The following ZNF326 variants were observed in gnomAD, a reference collection of about 807,000 sequenced individuals.
ZNF326 encodes zinc finger protein 326.
A neutral mutation model predicts 63.1 loss-of-function variants in ZNF326; 30 were observed. The ratio of observed to expected loss-of-function variants is 0.48; its 90% CI spans 0.36 to 0.64. ZNF326 has a LOEUF of 0.64. Ranked by LOEUF, ZNF326 falls within the 30% of genes least tolerant of loss-of-function variation. The pLI is 0.00. For synonymous variants in ZNF326, 194 were observed against 228.2 expected (o/e 0.85, Z 1.35); for missense variants, 609 against 720.3 (o/e 0.85, Z 1.77).
rs187615844 is a variant in ZNF326, at chr1:90,027,918, C to T, written c.*217C>T. The T allele has an allele frequency of 9.7e-4, 502 of 515,856 alleles. 7 individuals carry two copies. In the East Asian group the frequency reaches 0.016, roughly 16 times the overall value. The allele number at this position is 515,856 out of a possible 1,614,324, so 32.0% of individuals were successfully genotyped here. A position where few individuals can be genotyped will look rare whatever the true frequency, so the allele number is the denominator to read the frequency against. ...TTTTTATAGCTACCAGACTTAGATCCGATAAATTGTTTGTATAATTTTTAA... is the reference window on the plus strand; with the variant it reads ...TTTTTATAGCTACCAGACTTAGATCTGATAAATTGTTTGTATAATTTTTAA... On this transcript the variant is annotated 3_prime_UTR_variant, in exon 12 of 12. Transcript: ENST00000340281.
At position 90,007,444 on chromosome 1, in the gene ZNF326, C is replaced by T. The variant is rs1468309869; in HGVS notation, c.309C>T (p.Phe103=). 4.3e-6 allele frequency: 7 copies of T among 1,614,030 alleles called. No individual in the cohort carries two copies. Among genetic ancestry groups the T allele is most frequent in the Non-Finnish European group, 4.2e-6 (5 of 1,180,000 alleles). ...TTAATGAACCCGAACAAAGCCGCTT[C>T]GGAGGTAGTTATGGTGGTCGATTTG... ...YGFNEPEQSR[F]GGSYGGRFES... The change falls in exon 5 of 12, where the codon TTC becomes TTT. Residue 103 remains phenylalanine, a synonymous_variant. Transcript: ENST00000340281. This position sits in a 1 kb window ranked among gnomAD's most constrained non-coding sequence, Gnocchi z 4.9.
rs191638361 is a variant in ZNF326 at position 90,000,703 on chromosome 1, G to A, written c.61+2549G>A. On this transcript the variant is annotated intron_variant, in intron 2 of 11. Transcript: ENST00000340281. Reference sequence around the variant, plus strand: ...ATGGGTGACAGAGCAAGACCTTAACGCTGGCTTGACTAGAACAGATGATTT... The same window carrying A: ...ATGGGTGACAGAGCAAGACCTTAACACTGGCTTGACTAGAACAGATGATTT... 3.6e-3 allele frequency among the ~76,000 whole-genome samples: 555 copies of A among 152,222 alleles called. 5 individuals carry two copies. The highest frequency in any genetic ancestry group is 0.013 in the African/African-American group (522 of 41,542).
rs554904118 is a variant in ZNF326 at position 90,029,696 on chromosome 1, A to G, written c.*1995A>G. 2.0e-5 allele frequency: 3 copies of G among 152,236 alleles called. No individual in the cohort carries two copies. Among genetic ancestry groups the G allele is most frequent in the Non-Finnish European group, 4.4e-5 (3 of 68,024 alleles). The allele number at this position is 152,236 out of a possible 1,614,324, so 9.4% of individuals were successfully genotyped here. ...AAAACCATTATGTAACAAGAATCCT[A>G]TGTAACAACTGGGTAAATGTTTTAG... is the stretch of plus-strand genomic sequence containing the variant. On this transcript the variant is annotated 3_prime_UTR_variant, in exon 12 of 12. Coordinates refer to ENST00000340281, the MANE Select transcript of ZNF326 (RefSeq NM_182976.4).
rs1284464426 is a variant in ZNF326, at chr1:90,020,911, A to G, written c.1294A>G (p.Lys432Glu). ...GCACTTAAAATCTCCTGATCATATCAAAGGGAAGCAGGTAAAATTTTCATC... is the reference window on the plus strand; with the variant it reads ...GCACTTAAAATCTCCTGATCATATCGAAGGGAAGCAGGTAAAATTTTCATC... ...QQHLKSPDHI[K>E]GKQAYKEQIK... Residue 432 changes from lysine to glutamate, a missense_variant, in exon 10 of 12, where the codon AAA becomes GAA. By Grantham distance (56) the Lys-to-Glu change is moderately conservative (BLOSUM62 1). Coordinates refer to ENST00000340281, the MANE Select transcript of ZNF326 (RefSeq NM_182976.4). The G allele has an allele frequency of 1.2e-6, 2 of 1,611,938 alleles. No individual in the cohort carries two copies. Among genetic ancestry groups the G allele is most frequent in the Non-Finnish European group, 1.7e-6 (2 of 1,178,994 alleles).
Position 90,007,342 on chromosome 1 carries a change from C to A in ZNF326, c.210-3C>A. ...TTTTTCCCTCACTGTGCAACTTTTC[C>A]AGGTTTGGACCTTATGAGTCTTACG... On this transcript the variant is annotated splice_polypyrimidine_tract_variant and splice_region_variant and intron_variant, in intron 4 of 11. Coordinates refer to ENST00000340281, the MANE Select transcript of ZNF326 (RefSeq NM_182976.4). This position sits in a 1 kb window ranked among gnomAD's most constrained non-coding sequence, Gnocchi z 4.9. The A allele has an allele frequency of 6.4e-7, 1 of 1,563,166 alleles. No homozygotes were observed. Among genetic ancestry groups the A allele is most frequent in the Non-Finnish European group, 8.7e-7 (1 of 1,153,864 alleles).
intron 9 of ZNF326, among the ~76,000 whole-genome samples, chr1:90,019,317 C>A (rs190975039): frequency 6.6e-6 from 1 of 152,130 alleles, no homozygotes; most frequent in Non-Finnish European, 1.5e-5. Flanking sequence ...GCATAACCCA[C>A]ACTATTCTCT....
At chr1:89,998,077 A>G in intron 1 of ZNF326, 33 bp from the exon 2 acceptor site, 1 of 1,598,452 alleles carries the variant, frequency 6.3e-7, no homozygotes. Flanking sequence ...CTAATATCAC[A>G]CTAATTCCTT....
chr1:90,010,297 A>G lies in ZNF326; in HGVS notation c.814+11A>G. ...TCAGCAAATCACCCAGTAAGTAAGAAAACATAATTGCTATGATTCAGGATA... is the reference window on the plus strand; with the variant it reads ...TCAGCAAATCACCCAGTAAGTAAGAGAACATAATTGCTATGATTCAGGATA... On this transcript the variant is annotated intron_variant, in intron 6 of 11. Transcript: ENST00000340281. The G allele has an allele frequency of 6.2e-7, 1 of 1,610,314 alleles. No homozygotes were observed. Among genetic ancestry groups the G allele is most frequent in the Non-Finnish European group, 8.5e-7 (1 of 1,178,584 alleles).
rs984990336 is a variant in ZNF326 at position 89,995,233 on chromosome 1, A to C, written c.-25A>C. 5.2e-6 allele frequency: 8 copies of C among 1,545,988 alleles called. No homozygotes were observed. The African/African-American group carries it at 1.1e-4, about 22-fold the overall frequency. On this transcript the variant is annotated 5_prime_UTR_variant, in exon 1 of 12. Coordinates refer to ENST00000340281, the MANE Select transcript of ZNF326 (RefSeq NM_182976.4). Reference sequence around the variant, plus strand: ...GCCATAGCTCAGCCTAGCGCCGCCAAGGCCGACGGCCCTCAGCCTCTGCCA... The same window carrying C: ...GCCATAGCTCAGCCTAGCGCCGCCACGGCCGACGGCCCTCAGCCTCTGCCA...
intron 9 of ZNF326, among the ~76,000 whole-genome samples, chr1:90,020,104 C>G (rs910426323): frequency 4.6e-5 from 7 of 152,080 alleles, no homozygotes; most frequent in Admixed American, 1.3e-4. Flanking sequence ...GAAGTAGTTT[C>G]ATTACTTCCA....
rs116009246 is a variant in ZNF326 at position 90,022,946 on chromosome 1, C to G, written c.1401+601C>G. On this transcript the variant is annotated intron_variant, in intron 11 of 11. Transcript: ENST00000340281. ...GGTAGCAGGAAGGTCAGATGTTTCT[C>G]CAGAAGAAGGAATCTCATGGAATTT... Among the ~76,000 whole-genome samples the G allele has an allele frequency of 6.7e-3, 1,014 of 152,218 alleles. 11 individuals are homozygous for G. Among genetic ancestry groups the G allele is most frequent in the African/African-American group, 0.023 (959 of 41,526 alleles).
intron 7 of ZNF326, among the ~76,000 whole-genome samples, chr1:90,014,495 C>T (rs1370787075): frequency 6.6e-6 from 1 of 152,010 alleles, no homozygotes; most frequent in Non-Finnish European, 1.5e-5. Context: ...AATAGTATGC[C>T]ATTTTATTAC....
intron 1 of ZNF326, among the ~76,000 whole-genome samples, chr1:89,996,589 T>C (rs1056626928): frequency 6.6e-6 from 1 of 151,936 alleles, no homozygotes; most frequent in Non-Finnish European, 1.5e-5. Context: ...CTATGAATAT[T>C]TGGGCTGGGC....
intron 7 of ZNF326, among the ~76,000 whole-genome samples, chr1:90,015,684 AAAAT>A (rs559906028): frequency 6.6e-6 from 1 of 152,162 alleles, no homozygotes; most frequent in African/African-American, 2.4e-5. Context: ...TCTGTCTCAA[AAAAT>A]AAATAAATAA....
intron 4 of ZNF326, chr1:90,005,617 TC>T (rs1648951196): frequency 6.5e-6 from 6 of 925,696 alleles, no homozygotes; most frequent in Non-Finnish European, 7.7e-6. Context: ...TTAAAAAAAA[TC>T]TTTTCTAATG....
rs1371733274 is a variant in ZNF326 at position 90,007,567 on chromosome 1, G to A, written c.432G>A (p.Gly144=). 1 of 1,613,540 alleles carries A rather than the reference G, an allele frequency of 6.2e-7. No individual in the cohort carries two copies. The highest frequency in any genetic ancestry group is 8.5e-7 in the Non-Finnish European group (1 of 1,179,808). ...APYSRSKLRP[G]FMEDRGRENY... The stretch of plus-strand genomic sequence containing the variant: ...ACTCCCGTTCAAAATTGAGGCCTGG[G>A]TTTATGGAGGACAGAGGAAGAGAGA... Residue 144 remains glycine, a synonymous_variant, in exon 5 of 12, where the codon GGG becomes GGA. Coordinates refer to ENST00000340281, the MANE Select transcript of ZNF326 (RefSeq NM_182976.4). This position sits in a 1 kb window ranked among gnomAD's most constrained non-coding sequence, Gnocchi z 4.9.
rs1650436601 is a variant in ZNF326, at chr1:90,035,260, A to AT, written c.*7561dup. The AT allele has an allele frequency of 6.6e-6, 1 of 152,208 alleles. No homozygotes were observed. Among genetic ancestry groups the AT allele is most frequent in the South Asian group, 2.1e-4 (1 of 4,832 alleles). The allele number at this position is 152,208 out of a possible 1,614,324, so 9.4% of individuals were successfully genotyped here. A position where few individuals can be genotyped will look rare whatever the true frequency, so the allele number is the denominator to read the frequency against. On this transcript the variant is annotated 3_prime_UTR_variant, in exon 12 of 12. Transcript: ENST00000340281. ...CATAGTCCTTATTTTGAGCAGTGTG[A>AT]TTGTAGAGACAAACATCCAAGAGAA...
intron 6 of ZNF326, among the ~76,000 whole-genome samples, chr1:90,012,199 A>G (rs573131411): frequency 1.3e-4 from 20 of 152,362 alleles, no homozygotes; most frequent in East Asian, 9.6e-4. Flanking sequence ...GGTAGAAACA[A>G]TTGAAATATA....
intron 5 of ZNF326, among the ~76,000 whole-genome samples, chr1:90,008,514 T>C (rs1268016839): frequency 6.6e-6 from 1 of 152,202 alleles, no homozygotes; most frequent in Non-Finnish European, 1.5e-5. Flanking sequence ...GGGTACATAG[T>C]GTAAACATTA....
Sources: gnomAD v4.1 joint callset for allele counts (sites outside exome capture counted in the v4.1 genomes callset) on GRCh38, gnomAD v4.1.1 for gene constraint, Gnocchi (gnomAD v3.1) non-coding constraint, MANE v1.5 for transcripts, NCBI Gene and HGNC (gene_info 2026-07-23, HGNC 2026-07-21) for gene names.